The following KANSL1 variants were observed in gnomAD, a reference collection of about 807,000 sequenced individuals.
KANSL1 encodes KAT8 regulatory NSL complex subunit 1.
Under a neutral mutation model 103.6 loss-of-function variants are expected in KANSL1, and 22 were observed. The ratio of observed to expected loss-of-function variants is 0.21; its 90% CI spans 0.15 to 0.30. The LOEUF (loss-of-function observed/expected upper bound fraction) is 0.30, where lower values mean the gene tolerates loss of function less well. KANSL1 is among the 10% of genes least tolerant of loss of function. KANSL1 has a pLI of 1.00. For synonymous variants in KANSL1, 600 were observed against 527.6 expected (o/e 1.14, Z -1.88); for missense variants, 1,337 against 1,399.8 (o/e 0.96, Z 0.72).
chr17:46,220,584 T>C (rs936207016), intron 1 of KANSL1, among the ~76,000 whole-genome samples: 2 of 152,400 alleles, frequency 1.3e-5, no homozygotes, highest in East Asian at 3.9e-4. Flanking sequence ...AAAGATATAA[T>C]GCAATGAGAA....
chr17:46,177,959 A>T (rs1403443944), intron 1 of KANSL1, among the ~76,000 whole-genome samples: 1 of 152,138 alleles, frequency 6.6e-6, no homozygotes, highest in Non-Finnish European at 1.5e-5. Flanking sequence ...TTGTATTTTT[A>T]GTAGAGACAG....
chr17:46,157,934 A>G (rs2045517939), intron 2 of KANSL1, among the ~76,000 whole-genome samples: 1 of 152,278 alleles, frequency 6.6e-6, no homozygotes, highest in African/African-American at 2.4e-5. Flanking sequence ...ATTTAAAAAG[A>G]AAAACATTTT....
chr17:46,052,148 TG>T (rs2077732492), intron 6 of KANSL1, among the ~76,000 whole-genome samples: 1 of 151,688 alleles, frequency 6.6e-6, no homozygotes, highest in South Asian at 2.1e-4. Context: ...AGTGGGTGAG[TG>T]GGAGGATTTA....
intron 1 of KANSL1, among the ~76,000 whole-genome samples, chr17:46,205,703 TAGAA>T (rs1252902706): frequency 7.1e-6 from 1 of 140,056 alleles, no homozygotes; most frequent in Non-Finnish European, 1.6e-5. Context: ...AAAAAAGACT[TAGAA>T]ATAAATTTAA....
At chr17:46,060,835 T>C (rs7220752) in intron 6 of KANSL1, among the ~76,000 whole-genome samples, 34,518 of 152,056 alleles carry the variant, frequency 0.23, 4,474 homozygotes, top group African/African-American at 0.32. Flanking sequence ...TACAAAAATG[T>C]CACTCTTCAA....
chr17:46,159,785 T>G (rs1006915527), intron 2 of KANSL1, among the ~76,000 whole-genome samples: 1 of 152,188 alleles, frequency 6.6e-6, no homozygotes, highest in Non-Finnish European at 1.5e-5. Flanking sequence ...CCCTTTCGAA[T>G]GTCAAAAATG....
chr17:46,107,069 G>A (rs531788854), intron 2 of KANSL1, among the ~76,000 whole-genome samples: 2 of 152,312 alleles, frequency 1.3e-5, no homozygotes, highest in Admixed American at 6.5e-5. Flanking sequence ...CTATCCAACC[G>A]AAAGAAGGTA....
intron 1 of KANSL1, 57 bp from the exon 2 acceptor site, chr17:46,172,289 T>G: frequency 2.4e-6 from 2 of 846,970 alleles, no homozygotes; most frequent in East Asian, 2.8e-5. Context: ...AAAACATGTA[T>G]ATTTTTAACA....
At chr17:46,205,915 A>G (rs1238625764) in intron 1 of KANSL1, among the ~76,000 whole-genome samples, 1 of 151,924 alleles carries the variant, frequency 6.6e-6, no homozygotes, top group Non-Finnish European at 1.5e-5. Flanking sequence ...TCATCTCTAC[A>G]AAAATACAAA....
chr17:46,123,694 A>C (rs990199749), intron 2 of KANSL1, among the ~76,000 whole-genome samples: 8 of 152,216 alleles, frequency 5.3e-5, no homozygotes, highest in East Asian at 1.9e-4. Context: ...ATGAAGACTG[A>C]GAGAGGTGAG....
intron 2 of KANSL1, among the ~76,000 whole-genome samples, chr17:46,144,037 G>C (rs1474086637): frequency 6.6e-6 from 1 of 152,186 alleles, no homozygotes; most frequent in Non-Finnish European, 1.5e-5. Flanking sequence ...GGTAAAACAA[G>C]TTTCACATGT....
At chr17:46,188,661 C>T (rs1387983789) in intron 1 of KANSL1, among the ~76,000 whole-genome samples, 3 of 152,098 alleles carry the variant, frequency 2.0e-5, no homozygotes, top group African/African-American at 7.2e-5. Flanking sequence ...AAGACATAGA[C>T]TAATCAAATC....
chr17:46,120,609 GATTA>G (rs985760143), intron 2 of KANSL1, among the ~76,000 whole-genome samples: 6 of 152,116 alleles, frequency 3.9e-5, no homozygotes, highest in African/African-American at 1.2e-4. Context: ...AAGTTAACAT[GATTA>G]ATTTTTTAAA....
intron 1 of KANSL1, among the ~76,000 whole-genome samples, chr17:46,203,410 G>C (rs1430385283): frequency 2.6e-5 from 4 of 152,162 alleles, no homozygotes; most frequent in Non-Finnish European, 5.9e-5. Context: ...AAATGTGAAT[G>C]ATTATCTTCA....
intron 1 of KANSL1, among the ~76,000 whole-genome samples, chr17:46,181,812 G>T (rs577077166): frequency 6.6e-6 from 1 of 152,002 alleles, no homozygotes; most frequent in Non-Finnish European, 1.5e-5. Flanking sequence ...TACGGACCCA[G>T]AACTCCCCAC....
At chr17:46,197,866 C>T (rs1408124974), upstream of KANSL1, among the ~76,000 whole-genome samples, 2 of 152,234 alleles carry the variant, frequency 1.3e-5, no homozygotes, top group East Asian at 1.9e-4. Flanking sequence ...CTGCCACAGA[C>T]CTTCTAAACA....
At chr17:46,129,026 T>C (rs1355878214) in intron 2 of KANSL1, among the ~76,000 whole-genome samples, 1 of 152,300 alleles carries the variant, frequency 6.6e-6, no homozygotes, top group East Asian at 1.9e-4. Flanking sequence ...GTTATTTATT[T>C]TCAGAATGTA....
chr17:46,112,158 G>C (rs2042837201), intron 2 of KANSL1, among the ~76,000 whole-genome samples: 1 of 152,106 alleles, frequency 6.6e-6, no homozygotes, highest in Non-Finnish European at 1.5e-5. Flanking sequence ...CCTGAGGTCA[G>C]GAGTTCAAGA....
At chr17:46,062,393 TCTCTCACC>T (rs2078210290) in intron 6 of KANSL1, among the ~76,000 whole-genome samples, 1 of 127,308 alleles carries the variant, frequency 7.9e-6, no homozygotes, top group African/African-American at 2.8e-5. Context: ...GGACTCTCAC[TCTCTCACC>T]AGGCTGGAGT....
Sources: gnomAD v4.1 joint callset for allele counts (sites outside exome capture counted in the v4.1 genomes callset) on GRCh38, gnomAD v4.1.1 for gene constraint, MANE v1.5 for transcripts, NCBI Gene and HGNC (gene_info 2026-07-23, HGNC 2026-07-21) for gene names.